The following PCDHGA1 variants were observed in gnomAD, a reference collection of about 807,000 sequenced individuals.
PCDHGA1 encodes the protein protocadherin gamma-A1.
PCDHGA1 carries 32 observed loss-of-function variants against 58.0 expected under a neutral mutation model. The ratio of observed to expected loss-of-function variants is 0.55; its 90% CI spans 0.42 to 0.74. The LOEUF is 0.74. Among genes scored for constraint, PCDHGA1 ranks in the 30% least tolerant of loss-of-function variants. The pLI, the probability that PCDHGA1 is intolerant of heterozygous loss-of-function variation, is 0.00. For missense variants in PCDHGA1, 1,205 were observed against 1,182.3 expected (o/e 1.02, Z -0.28); for synonymous variants, 498 against 501.1 (o/e 0.99, Z 0.08).
chr5:141,365,349 T>A, intron 1 of PCDHGA1: 1 of 1,613,944 alleles, frequency 6.2e-7, no homozygotes, highest in Non-Finnish European at 8.5e-7. Context: ...GTACAGGACG[T>A]GAATGACAAT....
At chr5:141,462,648 C>T (rs2099044153) in intron 1 of PCDHGA1, among the ~76,000 whole-genome samples, 1 of 137,364 alleles carries the variant, frequency 7.3e-6, no homozygotes, top group Admixed American at 7.1e-5. Flanking sequence ...TCATTTCCAT[C>T]CTCAATTATC....
Position 141,489,902 on chromosome 5 carries a change from C to T in PCDHGA1, c.2422-4905C>T. The T allele has an allele frequency of 6.2e-7, 1 of 1,614,218 alleles. No individual in the cohort carries two copies. The highest frequency in any genetic ancestry group is 8.5e-7 in the Non-Finnish European group (1 of 1,180,032). On this transcript the variant is annotated intron_variant, in intron 1 of 3. Transcript: ENST00000517417. This position sits in a 1 kb window ranked among gnomAD's most constrained non-coding sequence, Gnocchi z 4.5. Reference sequence around the variant, plus strand: ...ACTGCTGTGGATGGGGGGACCCCAGCCCGCTCAGGGACCACCCTTATCTCT... The same window carrying T: ...ACTGCTGTGGATGGGGGGACCCCAGTCCGCTCAGGGACCACCCTTATCTCT...
rs956263164 is a variant in PCDHGA1 at position 141,511,304 on chromosome 5, C to G, written c.*131C>G. The G allele has an allele frequency of 3.3e-5, 49 of 1,490,320 alleles. No homozygotes were observed. The highest frequency in any genetic ancestry group is 4.2e-5 in the African/African-American group (3 of 71,286). The allele number at this position is 1,490,320 out of a possible 1,614,324, so 92.3% of individuals were successfully genotyped here. ...TGGTAGGGGCCAAGGCCATGCTCCC[C>G]TTGGGAAACAGAAACAAGTGCCCAG... On this transcript the variant is annotated 3_prime_UTR_variant, in exon 4 of 4. Coordinates refer to ENST00000517417, the MANE Select transcript of PCDHGA1 (RefSeq NM_018912.3).
In PCDHGA1 at chr5:141,331,485, T is replaced by G; in HGVS notation, c.801T>G (p.Thr267=). Reference sequence around the variant, plus strand: ...CTCAGCTGCTCATGGTAAATGCCACTGACCCTGATGAGGGAGCCAATGGGG... The same window carrying G: ...CTCAGCTGCTCATGGTAAATGCCACGGACCCTGATGAGGGAGCCAATGGGG... The part of the protein sequence containing the change: ...LGTQLLMVNA[T]DPDEGANGEV... The change falls in exon 1 of 4, where the codon ACT becomes ACG. Residue 267 remains threonine, a synonymous_variant. Transcript: ENST00000517417. 6.2e-7 allele frequency: 1 copy of G among 1,614,206 alleles called. No homozygotes were observed. Among genetic ancestry groups the G allele is most frequent in the African/African-American group, 1.3e-5 (1 of 75,052 alleles).
intron 1 of PCDHGA1, chr5:141,389,485 A>G (rs2091790696): frequency 1.2e-6 from 2 of 1,612,936 alleles, no homozygotes; most frequent in Non-Finnish European, 1.7e-6. Flanking sequence ...CAGGCCCGCG[A>G]CCAGGGCTCG....
chr5:141,336,282 G>A (rs961798808), intron 1 of PCDHGA1, among the ~76,000 whole-genome samples: 4 of 152,168 alleles, frequency 2.6e-5, no homozygotes, highest in African/African-American at 9.7e-5. Context: ...TGAGTAGGCT[G>A]AGGCAGTAGG....
chr5:141,430,365 G>GA lies in PCDHGA1; in HGVS notation c.2422-64434dup, dbSNP rs202146484. Among the ~76,000 whole-genome samples, 583 of 147,736 alleles carry GA rather than the reference G, an allele frequency of 3.9e-3. 6 individuals are homozygous for GA. The highest frequency in any genetic ancestry group is 0.011 in the Admixed American group (169 of 14,894). On this transcript the variant is annotated intron_variant, in intron 1 of 3. Coordinates refer to ENST00000517417, the MANE Select transcript of PCDHGA1 (RefSeq NM_018912.3). ...CCAATTCATTTAAAAGCTCATTGGG[G>GA]AAAAAAAAGCTCATTGGGAAAAAAA...
chr5:141,421,574 A>C, intron 1 of PCDHGA1: 1 of 1,613,924 alleles, frequency 6.2e-7, no homozygotes. Flanking sequence ...GACACCTTGA[A>C]GATTTACGGA....
chr5:141,455,283 C>G (rs1225185590), intron 1 of PCDHGA1, among the ~76,000 whole-genome samples: 1 of 152,000 alleles, frequency 6.6e-6, no homozygotes, highest in East Asian at 1.9e-4. Context: ...ATTAACATCA[C>G]TTTACATAGT....
At chr5:141,430,837 CG>C in intron 1 of PCDHGA1, 1 of 1,560,074 alleles carries the variant, frequency 6.4e-7, no homozygotes, top group African/African-American at 1.4e-5. Flanking sequence ...TGTGGGAGAC[CG>C]GATGCACCCA....
At chr5:141,366,037 A>G (rs1276608872) in intron 1 of PCDHGA1, 1 of 1,614,112 alleles carries the variant, frequency 6.2e-7, no homozygotes, top group African/African-American at 1.3e-5. Flanking sequence ...CCCTCCCCAC[A>G]GACGGTTCCA....
chr5:141,471,204 C>T (rs1349368582), intron 1 of PCDHGA1: 2 of 151,866 alleles, frequency 1.3e-5, no homozygotes, highest in African/African-American at 4.8e-5. Flanking sequence ...CACCCACCCC[C>T]ATGCCTGGCA....
rs772195653 is a variant in PCDHGA1 at position 141,477,704 on chromosome 5, C to A, written c.2422-17103C>A. On this transcript the variant is annotated intron_variant, in intron 1 of 3. Transcript: ENST00000517417. The surrounding 1 kb of genome is among the most constrained non-coding windows in gnomAD (Gnocchi z 4.9). ...CTTAGTGCCCCTAGACTATGAGGAT[C>A]GGCGGGAATTTGAATTAACAGCTCA... The A allele has an allele frequency of 5.0e-6, 8 of 1,613,850 alleles. No individual in the cohort carries two copies. Among genetic ancestry groups the A allele is most frequent in the Non-Finnish European group, 5.9e-6 (7 of 1,180,046 alleles).
chr5:141,349,194 C>G (rs138459537), intron 1 of PCDHGA1, among the ~76,000 whole-genome samples: 1 of 151,982 alleles, frequency 6.6e-6, no homozygotes, highest in African/African-American at 2.4e-5. Flanking sequence ...CTCAACCTCC[C>G]GAGTAGCTGG....
intron 1 of PCDHGA1, chr5:141,365,645 C>T (rs770859603): frequency 2.5e-6 from 4 of 1,613,454 alleles, no homozygotes; most frequent in Non-Finnish European, 3.4e-6. Flanking sequence ...AAGCCACATC[C>T]CCTTGAAAGT....
At chr5:141,361,658 G>T in intron 1 of PCDHGA1, 1 of 1,613,762 alleles carries the variant, frequency 6.2e-7, no homozygotes, top group African/African-American at 1.3e-5. Context: ...GTGTCCGTGA[G>T]CGCGCAGAGC....
chr5:141,409,659 A>C, intron 1 of PCDHGA1: 1 of 1,613,574 alleles, frequency 6.2e-7, no homozygotes, highest in Non-Finnish European at 8.5e-7. Flanking sequence ...CTCAATGGCC[A>C]CATCTCCTAC....
chr5:141,503,212 C>G (rs1227936455), intron 2 of PCDHGA1, among the ~76,000 whole-genome samples: 1 of 152,074 alleles, frequency 6.6e-6, no homozygotes, highest in African/African-American at 2.4e-5. Flanking sequence ...CAGTGCCCAC[C>G]ATGAGCACCG....
At position 141,379,889 on chromosome 5, in the gene PCDHGA1, CTTTTTTTTTTTTTT is replaced by C. The variant is rs70988800; in HGVS notation, c.2421+46801_2421+46814del. Among the ~76,000 whole-genome samples, 12 of 50,834 alleles carry C rather than the reference CTTTTTTTTTTTTTT, an allele frequency of 2.4e-4. 1 individual carries two copies. In the South Asian group the frequency reaches 3.7e-3, roughly 16 times the overall value. The allele number at this position is 50,834 out of a possible 152,430, so 33.3% of individuals were successfully genotyped here. Reference sequence around the variant, plus strand: ...CTTATTTTATGGTCTGTGAAAGCCTCTTTTTTTTTTTTTTTTTTTTTTTTTTTTTTGTCAGAGTC... The same window carrying C: ...CTTATTTTATGGTCTGTGAAAGCCTCTTTTTTTTTTTTTTTTGTCAGAGTC... On this transcript the variant is annotated intron_variant, in intron 1 of 3. Coordinates refer to ENST00000517417, the MANE Select transcript of PCDHGA1 (RefSeq NM_018912.3).
Sources: gnomAD v4.1 joint callset for allele counts (sites outside exome capture counted in the v4.1 genomes callset) on GRCh38, gnomAD v4.1.1 for gene constraint, Gnocchi (gnomAD v3.1) non-coding constraint, MANE v1.5 for transcripts, NCBI Gene and HGNC (gene_info 2026-07-23, HGNC 2026-07-21) for gene names.